UNC79: variants seen among roughly 807,000 people sequenced by gnomAD.
The protein encoded by UNC79 is unc-79 subunit of NALCN channel complex.
A neutral mutation model predicts 283.1 loss-of-function variants in UNC79; 37 were observed. The observed-to-expected ratio is 0.13, with a 90% CI of 0.10 to 0.17. The LOEUF (loss-of-function observed/expected upper bound fraction) is 0.17. Among genes scored for constraint, UNC79 ranks in the 10% least tolerant of loss-of-function variants. The pLI is 1.00. For synonymous variants in UNC79, 1,107 were observed against 1,200.2 expected, an observed-to-expected ratio of 0.92 and a Z score of 1.61; for missense variants, 2,272 against 3,211.1, an observed-to-expected ratio of 0.71 and a Z score of 7.07.
rs79336353 is a variant in UNC79, at chr14:93,482,596, G to T, written c.619+4868G>T. ...CTGGCAGAATACAGGAAATGGTTCT[G>T]TCACATTGAAAAACTTACACCATAA... On this transcript the variant is annotated intron_variant, in intron 4 of 48. Transcript: ENST00000555664. Among the ~76,000 whole-genome samples the T allele has an allele frequency of 4.7e-3, 723 of 152,248 alleles. 8 individuals carry two copies. The highest frequency in any genetic ancestry group is 0.016 in the African/African-American group (675 of 41,540).
chr14:93,557,299 G>A (rs1352965003), intron 14 of UNC79, among the ~76,000 whole-genome samples: 15 of 152,156 alleles, frequency 9.9e-5, no homozygotes, highest in Non-Finnish European at 1.2e-4. Context: ...TGCTGTTGTG[G>A]GAGTGTCTTT....
intron 1 of UNC79, among the ~76,000 whole-genome samples, chr14:93,406,167 T>C (rs1487187153): frequency 6.6e-6 from 1 of 152,216 alleles, no homozygotes; most frequent in Admixed American, 6.5e-5. Context: ...TTAAACAATG[T>C]CACTTTCCAT....
At chr14:93,477,393 G>A (rs774221464) in intron 3 of UNC79, among the ~76,000 whole-genome samples, 165 bp from the exon 4 acceptor site, 9 of 152,118 alleles carry the variant, frequency 5.9e-5, no homozygotes, top group Non-Finnish European at 1.3e-4. Flanking sequence ...ACCAATTACT[G>A]TATAAATAGT....
chr14:93,359,815 G>T (rs1458506004), intron 1 of UNC79, among the ~76,000 whole-genome samples: 2 of 152,128 alleles, frequency 1.3e-5, no homozygotes, highest in East Asian at 1.9e-4. Flanking sequence ...GGGGAGGCCG[G>T]GTCTCTTTGA....
At chr14:93,612,822 C>T in exon 27 of UNC79, 1 of 1,614,030 alleles carries the variant, frequency 6.2e-7, no homozygotes, top group Non-Finnish European at 8.5e-7. Context: ...AGAATGACAA[C>T]ACCATCAAGG....
chr14:93,428,930 T>G (rs2055788852), upstream of UNC79, among the ~76,000 whole-genome samples: 1 of 152,150 alleles, frequency 6.6e-6, no homozygotes, highest in Non-Finnish European at 1.5e-5. Flanking sequence ...ACCATTATAC[T>G]CTCCCTTAAC....
In UNC79 at chr14:93,635,318, T is replaced by G. The variant is rs114083264; in HGVS notation, c.5717-1898T>G. Among the ~76,000 whole-genome samples, 942 of 152,104 alleles carry G rather than the reference T, an allele frequency of 6.2e-3. 7 individuals carry two copies. The highest frequency in any genetic ancestry group is 0.022 in the African/African-American group (902 of 41,498). ...CTCTTTTAAGTGCCTGCCTTTTCTGTTTTTTTTCTTCCATAATTAAATGGG... is the reference window on the plus strand; with the variant it reads ...CTCTTTTAAGTGCCTGCCTTTTCTGGTTTTTTTCTTCCATAATTAAATGGG... On this transcript the variant is annotated intron_variant, in intron 31 of 48. Transcript: ENST00000555664.
intron 1 of UNC79, among the ~76,000 whole-genome samples, chr14:93,451,381 A>AT (rs2056636604): frequency 6.6e-6 from 1 of 152,232 alleles, no homozygotes; most frequent in Non-Finnish European, 1.5e-5. Context: ...AGAAAAAAAA[A>AT]GAGGCTTCTA....
At chr14:93,342,354 A>G (rs1468561768) in intron 1 of UNC79, among the ~76,000 whole-genome samples, 2 of 152,160 alleles carry the variant, frequency 1.3e-5, no homozygotes, top group Non-Finnish European at 2.9e-5. Flanking sequence ...CTTTTTAGCC[A>G]TGGCTGGAGC....
intron 18 of UNC79, 82 bp downstream of exon 18, chr14:93,578,145 G>A (rs773735319): frequency 1.9e-4 from 251 of 1,295,192 alleles, no homozygotes; most frequent in Middle Eastern, 1.5e-3. Flanking sequence ...CATGTGTTGG[G>A]CATCTCCACA....
rs116184442 is a variant in UNC79, at chr14:93,702,836, G to T, written c.7549-1789G>T. ...GAATCCTTCCCCATCCCCAGAAACT[G>T]TCCCTGGTCTTCTCTGGACCATTGA... On this transcript the variant is annotated intron_variant, in intron 47 of 48. Transcript: ENST00000555664. Among the ~76,000 whole-genome samples, 584 of 152,306 alleles carry T rather than the reference G, an allele frequency of 3.8e-3. 5 individuals carry two copies. The highest frequency in any genetic ancestry group is 0.013 in the African/African-American group (543 of 41,566).
At chr14:93,655,827 G>T (rs1389441025) in intron 38 of UNC79, among the ~76,000 whole-genome samples, 2 of 152,112 alleles carry the variant, frequency 1.3e-5, no homozygotes, top group Non-Finnish European at 2.9e-5. Flanking sequence ...TGCTGTGTTT[G>T]TGAATGATGA....
rs1229561694 is a variant in UNC79, at chr14:93,690,066, A to G, written c.7086-51A>G. ...TTCAATAAGCATTTGTTATGCACCC[A>G]ATGAAACACAAAACATAAAATCATC... On this transcript the variant is annotated intron_variant, in intron 44 of 48. Transcript: ENST00000555664. The surrounding 1 kb of genome is among the most constrained non-coding windows in gnomAD (Gnocchi z 4.3). 2 of 1,589,028 alleles carry G rather than the reference A, an allele frequency of 1.3e-6. No homozygotes were observed. Among genetic ancestry groups the G allele is most frequent in the Non-Finnish European group, 1.7e-6 (2 of 1,163,350 alleles).
intron 35 of UNC79, 39 bp downstream of exon 38, chr14:93,646,685 C>A (rs755204729): frequency 1.9e-6 from 3 of 1,607,486 alleles, no homozygotes; most frequent in East Asian, 4.5e-5. Context: ...ACTTTCTTTT[C>A]TCCTCTGTGC....
chr14:93,419,092 C>A (rs1203420729), intron 1 of UNC79, among the ~76,000 whole-genome samples: 1 of 149,590 alleles, frequency 6.7e-6, no homozygotes, highest in African/African-American at 2.5e-5. Flanking sequence ...GATGGAAATG[C>A]AGAAATCACC....
intron 5 of UNC79, among the ~76,000 whole-genome samples, chr14:93,494,964 T>A (rs919170732): frequency 1.8e-4 from 27 of 152,026 alleles, no homozygotes; most frequent in Non-Finnish European, 2.9e-4. Context: ...AAACAGGTAA[T>A]AGGATCAAGC....
At chr14:93,484,599 A>G (rs1317674306) in intron 4 of UNC79, among the ~76,000 whole-genome samples, 2 of 152,158 alleles carry the variant, frequency 1.3e-5, no homozygotes, top group Non-Finnish European at 2.9e-5. Flanking sequence ...TTTTAATTGT[A>G]TTTCCTGAGC....
At chr14:93,513,862 A>G (rs1441250207) in intron 7 of UNC79, among the ~76,000 whole-genome samples, 1 of 152,170 alleles carries the variant, frequency 6.6e-6, no homozygotes, top group Non-Finnish European at 1.5e-5. Context: ...AGCCAAGTAT[A>G]TTTCAGTTTT....
intron 1 of UNC79, among the ~76,000 whole-genome samples, chr14:93,374,391 A>T (rs1311604545): frequency 6.6e-6 from 1 of 152,198 alleles, no homozygotes; most frequent in Non-Finnish European, 1.5e-5. Flanking sequence ...AAAAGCAATT[A>T]TTCTTCAGCT....
Sources: gnomAD v4.1 joint callset for allele counts (sites outside exome capture counted in the v4.1 genomes callset) on GRCh38, gnomAD v4.1.1 for gene constraint, Gnocchi (gnomAD v3.1) non-coding constraint, MANE v1.5 for transcripts, NCBI Gene and HGNC (gene_info 2026-07-23, HGNC 2026-07-21) for gene names.